Variants in TUT7 observed in about 807,000 individuals in gnomAD.
The protein encoded by TUT7 is terminal uridylyltransferase 7.
In TUT7, 33 loss-of-function variants were observed where a neutral mutation model predicts 165.9. The observed-to-expected ratio is 0.20, with a 90% confidence interval of 0.15 to 0.27. The LOEUF is 0.27. Among genes scored for constraint, TUT7 ranks in the 10% least tolerant of loss-of-function variants. The pLI is 1.00. For missense variants in TUT7, 1,338 were observed against 1,762.3 expected (o/e 0.76, Z 4.31); for synonymous variants, 552 against 608.1 (o/e 0.91, Z 1.36).
At chr9:86,309,178 G>T (rs1827795035) in intron 21 of TUT7, 34 bp downstream of exon 21, 6 of 1,371,364 alleles carry the variant, frequency 4.4e-6, no homozygotes, top group Non-Finnish European at 6.2e-6. Flanking sequence ...TTTAGTCAAG[G>T]ATATAGGAAA....
Position 86,288,599 on chromosome 9 carries a change from G to T in TUT7, c.*78C>A. The T allele has an allele frequency of 9.1e-7, 1 of 1,096,082 alleles. No individual in the cohort carries two copies. The highest frequency in any genetic ancestry group is 1.4e-6 in the Non-Finnish European group (1 of 716,058). 67.9% of individuals were successfully genotyped at this position (1,096,082 alleles called of 1,614,324 possible). On this transcript the variant is annotated 3_prime_UTR_variant, in exon 27 of 27. Coordinates refer to ENST00000375963, the MANE Select transcript of TUT7 (RefSeq NM_024617.4). Reference sequence around the variant, plus strand: ...GTTGAAGCCTGATCTACACTGCTGTGTCCTGTGAAATGAACCTAATTTTCC... The same window carrying T: ...GTTGAAGCCTGATCTACACTGCTGTTTCCTGTGAAATGAACCTAATTTTCC...
chr9:86,320,747 A>C lies in TUT7; in HGVS notation c.3029-1077T>G, dbSNP rs1192845802. Among the ~76,000 whole-genome samples the C allele has an allele frequency of 2.6e-5, 4 of 152,178 alleles. No individual in the cohort carries two copies. The East Asian group carries it at 7.7e-4, about 29-fold the overall frequency. ...CAAGGCAACTTTCGGCCCCTCACAG[A>C]GACAGTACTTTGAAATTCATATTGA... On this transcript the variant is annotated intron_variant, in intron 14 of 26. Transcript: ENST00000375963.
At chr9:86,333,129 G>A (rs922026446) in intron 10 of TUT7, among the ~76,000 whole-genome samples, 1 of 152,154 alleles carries the variant, frequency 6.6e-6, no homozygotes, top group African/African-American at 2.4e-5. Context: ...AAAAAGTGAT[G>A]TTTTTGTTTT....
intron 10 of TUT7, among the ~76,000 whole-genome samples, chr9:86,329,144 T>G (rs917624092): frequency 6.6e-6 from 1 of 152,198 alleles, no homozygotes; most frequent in Non-Finnish European, 1.5e-5. Flanking sequence ...AAGAAAATGG[T>G]CTAGTTGAAA....
intron 26 of TUT7, among the ~76,000 whole-genome samples, chr9:86,290,348 C>T (rs1035828483): frequency 6.6e-6 from 1 of 152,024 alleles, no homozygotes; most frequent in Admixed American, 6.6e-5. Flanking sequence ...TAAAAACATT[C>T]CCTAAACACA....
chr9:86,315,761 T>A (rs959548852), intron 17 of TUT7, among the ~76,000 whole-genome samples: 1 of 134,106 alleles, frequency 7.5e-6, no homozygotes, highest in Non-Finnish European at 1.5e-5. Context: ...TTCTTTTTTT[T>A]TTATATTGTT....
chr9:86,297,672 G>A (rs370848522), intron 26 of TUT7, among the ~76,000 whole-genome samples: 32 of 152,142 alleles, frequency 2.1e-4, no homozygotes, highest in African/African-American at 7.2e-4. Flanking sequence ...TACAAATCGG[G>A]AGGCTGAGAT....
At chr9:86,309,861 A>T (rs1564041868) in intron 19 of TUT7, 67 bp downstream of exon 19, 2 of 1,425,382 alleles carry the variant, frequency 1.4e-6, no homozygotes, top group Non-Finnish European at 2.0e-6. Flanking sequence ...AAATAGATTT[A>T]TGTTTTCAAC....
intron 16 of TUT7, among the ~76,000 whole-genome samples, chr9:86,318,200 C>T (rs1828909585): frequency 6.6e-6 from 1 of 152,196 alleles, no homozygotes; most frequent in South Asian, 2.1e-4. Flanking sequence ...AGACTTTATA[C>T]CTTTATATAG....
At chr9:86,302,861 G>T (rs1222436746) in intron 25 of TUT7, among the ~76,000 whole-genome samples, 3 of 152,128 alleles carry the variant, frequency 2.0e-5, no homozygotes, top group Non-Finnish European at 2.9e-5. Flanking sequence ...CACTCGCCTT[G>T]GCCTCCCAAA....
In TUT7 at chr9:86,290,686, C is replaced by CAA. The variant is rs749800073; in HGVS notation, c.4421-1944_4421-1943dup. On this transcript the variant is annotated intron_variant, in intron 26 of 26. Transcript: ENST00000375963. ...GTGAAACCTCGTCTCTACTAAAATA[C>CAA]AAAAAAAAAAAAAAAAAAAAAAATT... is the stretch of plus-strand genomic sequence containing the variant. Among the ~76,000 whole-genome samples, 105 of 54,692 alleles carry CAA rather than the reference C, an allele frequency of 1.9e-3. 1 individual carries two copies. Among genetic ancestry groups the CAA allele is most frequent in the South Asian group, 0.011 (17 of 1,590 alleles). The allele number at this position is 54,692 out of a possible 152,430, so 35.9% of individuals were successfully genotyped here.
chr9:86,352,143 AAC>A (rs2131631638), intron 2 of TUT7, among the ~76,000 whole-genome samples: 1 of 152,286 alleles, frequency 6.6e-6, no homozygotes, highest in East Asian at 1.9e-4. Flanking sequence ...CCTTTTGAAA[AAC>A]AAAGATCTCA....
intron 2 of TUT7, among the ~76,000 whole-genome samples, chr9:86,350,461 T>C (rs1420229677): frequency 6.6e-6 from 1 of 152,244 alleles, no homozygotes; most frequent in Non-Finnish European, 1.5e-5. Flanking sequence ...TACACAATTT[T>C]TAATAAAGAA....
intron 17 of TUT7, among the ~76,000 whole-genome samples, chr9:86,316,553 C>T (rs1033028473): frequency 1.3e-5 from 2 of 152,226 alleles, no homozygotes; most frequent in Non-Finnish European, 2.9e-5. Flanking sequence ...ACACTTCACA[C>T]AATTAGCAAC....
intron 26 of TUT7, among the ~76,000 whole-genome samples, chr9:86,299,614 T>C (rs1226152561): frequency 6.6e-6 from 1 of 152,194 alleles, no homozygotes; most frequent in Non-Finnish European, 1.5e-5. Flanking sequence ...CTCTTCCTTA[T>C]GCTTGATAAT....
At chr9:86,352,617 G>C in intron 2 of TUT7, 63 bp downstream of exon 2, 1 of 1,579,152 alleles carries the variant, frequency 6.3e-7, no homozygotes, top group Non-Finnish European at 8.7e-7. Context: ...AACTCATTTG[G>C]ATGAAAAAGA....
chr9:86,333,611 T>C (rs1038232580), intron 10 of TUT7, among the ~76,000 whole-genome samples: 32 of 152,244 alleles, frequency 2.1e-4, no homozygotes, highest in African/African-American at 7.0e-4. Context: ...TACCCATTTA[T>C]TCTTGCATGT....
At chr9:86,294,352 T>A (rs1048109404) in intron 26 of TUT7, among the ~76,000 whole-genome samples, 14 of 150,932 alleles carry the variant, frequency 9.3e-5, no homozygotes, top group African/African-American at 3.4e-4. Flanking sequence ...TGTAAATGCC[T>A]CTAATAAAAA....
chr9:86,292,193 G>C (rs1364187750), intron 26 of TUT7, among the ~76,000 whole-genome samples: 1 of 152,138 alleles, frequency 6.6e-6, no homozygotes, highest in Non-Finnish European at 1.5e-5. Context: ...GCATGCCCGT[G>C]CCACCATCCC....
Sources: allele counts gnomAD v4.1 joint callset (sites outside exome capture counted in the v4.1 genomes callset), GRCh38; gene constraint gnomAD v4.1.1; transcripts MANE v1.5; gene names NCBI Gene and HGNC (gene_info 2026-07-23, HGNC 2026-07-21).